The following ELF4 variants were observed in gnomAD, a reference collection of about 807,000 sequenced individuals.
ELF4 encodes the protein ETS-related transcription factor Elf-4.
Under a neutral mutation model 31.7 loss-of-function variants are expected in ELF4, and 10 were observed. The ratio of observed to expected loss-of-function variants is 0.32; its 90% CI spans 0.19 to 0.54. ELF4 has a LOEUF of 0.54. Among genes scored for constraint, ELF4 ranks in the 20% least tolerant of loss-of-function variants. The pLI, the probability that ELF4 is intolerant of heterozygous loss-of-function variation, is 0.95. For missense variants in ELF4, 418 were observed against 522.0 expected, an observed-to-expected ratio of 0.80 and a Z score of 1.94; for synonymous variants, 208 against 226.7, an observed-to-expected ratio of 0.92 and a Z score of 0.74.
chrX:130,089,495 G>C (rs1232125346), intron 1 of ELF4, among the ~76,000 whole-genome samples: 1 of 68,995 alleles, frequency 1.4e-5, no homozygotes, highest in Admixed American at 2.3e-4. Flanking sequence ...GGCAACAAGA[G>C]TGAGACCTCA....
At chrX:130,093,886 G>C (rs1378860086) in intron 1 of ELF4, among the ~76,000 whole-genome samples, 1 of 112,039 alleles carries the variant, frequency 8.9e-6, no homozygotes, top group Non-Finnish European at 1.9e-5. Flanking sequence ...CTCAGCTCGG[G>C]GCCATATTCT....
rs558720401 is a variant in ELF4, at chrX:130,068,278, A to G, written c.1188-753T>C. Among the ~76,000 whole-genome samples the G allele has an allele frequency of 5.8e-4, 65 of 112,416 alleles. 1 individual carries two copies. The South Asian group carries it at 0.024, about 41-fold the overall frequency. On this transcript the variant is annotated intron_variant, in intron 8 of 8. Coordinates refer to ENST00000308167, the MANE Select transcript of ELF4 (RefSeq NM_001421.4). ...TGAGGCACAGAGAGGTTATGTATTA[A>G]TAACTTGCTCCAAGACCAGCCATAC... is the stretch of plus-strand genomic sequence containing the variant.
At chrX:130,103,260 C>T (rs113966202) in intron 1 of ELF4, among the ~76,000 whole-genome samples, 3 of 111,994 alleles carry the variant, frequency 2.7e-5, no homozygotes, top group Non-Finnish European at 5.6e-5. Flanking sequence ...CCACAGACTA[C>T]GAGAAAGTAT....
chrX:130,088,237 T>A (rs773803205), intron 1 of ELF4, among the ~76,000 whole-genome samples: 47 of 105,465 alleles, frequency 4.5e-4, no homozygotes, highest in Non-Finnish European at 6.5e-4. Context: ...CTCAAAAAAA[T>A]AAATAAATAA....
Position 130,066,953 on chromosome X carries a change from C to A in ELF4, c.1760G>T (p.Gly587Val). 8.3e-7 allele frequency: 1 copy of A among 1,212,013 alleles called. No homozygotes were observed. The highest frequency in any genetic ancestry group is 1.1e-6 in the Non-Finnish European group (1 of 895,566). The change falls in exon 9 of 9, where the codon GGT becomes GTT. Residue 587 changes from glycine to valine, a missense_variant. Around this residue, in one of 4 missense-constraint regions of ELF4, gnomAD observed 260 missense variants for 269.2 expected, o/e 0.97. Coordinates refer to ENST00000308167, the MANE Select transcript of ELF4 (RefSeq NM_001421.4). Reference sequence around the variant, plus strand: ...GCCCAGAAGGCTCGGATTGTGGGAACCCCTGGAAACCACCTGGGTTGGAAG... The same window carrying A: ...GCCCAGAAGGCTCGGATTGTGGGAAACCCTGGAAACCACCTGGGTTGGAAG... The part of the protein sequence containing the change: ...QPLPTQVVSR[G>V]SHNPSLLGNQ...
chrX:130,074,377 G>A (rs1362260795), intron 3 of ELF4, among the ~76,000 whole-genome samples: 1 of 111,295 alleles, frequency 9.0e-6, no homozygotes, highest in African/African-American at 3.3e-5. Flanking sequence ...CCCTCAGCTG[G>A]TCTTCACTCC....
intron 2 of ELF4, among the ~76,000 whole-genome samples, chrX:130,077,296 T>A (rs1932842697): frequency 1.2e-5 from 1 of 80,896 alleles, no homozygotes; most frequent in Non-Finnish European, 2.2e-5. Context: ...TTCCAGAGAA[T>A]TTTTTTTTTT....
Position 130,086,198 on chromosome X carries a change from A to G in ELF4, c.-209-4659T>C, listed in dbSNP as rs1362812265. Reference sequence around the variant, plus strand: ...CAGCCACTCCATTTGAGATGAAACCAGGAAGAGGGAGGGAAAAAAGAAAGG... The same window carrying G: ...CAGCCACTCCATTTGAGATGAAACCGGGAAGAGGGAGGGAAAAAAGAAAGG... On this transcript the variant is annotated intron_variant, in intron 1 of 8. Transcript: ENST00000308167. Among the ~76,000 whole-genome samples, 4 of 112,299 alleles carry G rather than the reference A, an allele frequency of 3.6e-5. No individual in the cohort carries two copies. The South Asian group carries it at 1.5e-3, about 41-fold the overall frequency.
At chrX:130,093,722 C>T (rs750038047) in intron 1 of ELF4, among the ~76,000 whole-genome samples, 23 of 111,950 alleles carry the variant, frequency 2.1e-4, no homozygotes, top group Non-Finnish European at 3.6e-4. Context: ...TCGGGGGCCT[C>T]GTGGTGGATG....
chrX:130,071,540 A>G (rs1690704208), intron 5 of ELF4, 121 bp from the exon 6 acceptor site: 1 of 662,091 alleles, frequency 1.5e-6, no homozygotes, highest in African/African-American at 2.1e-5. Flanking sequence ...GAGGCCCCAG[A>G]TCGCTCTCCA....
At chrX:130,071,891 G>A (rs982041616) in intron 5 of ELF4, among the ~76,000 whole-genome samples, 3 of 112,583 alleles carry the variant, frequency 2.7e-5, no homozygotes, top group African/African-American at 9.7e-5. Flanking sequence ...CACCCGGCAT[G>A]ACTGGTCTTT....
intron 1 of ELF4, among the ~76,000 whole-genome samples, chrX:130,093,848 T>C (rs1470317363): frequency 8.9e-6 from 1 of 112,042 alleles, no homozygotes; most frequent in Non-Finnish European, 1.9e-5. Context: ...GCAAAAAAAA[T>C]GGCTGAGAAG....
At position 130,067,314 on chromosome X, in the gene ELF4, C is replaced by T; in HGVS notation, c.1399G>A (p.Ala467Thr). ...FTLQASFPLN[A>T]SFQDSQVAAP... is the part of the protein sequence containing the mutation. The stretch of plus-strand genomic sequence containing the variant: ...GCCACCTGGCTGTCTTGGAAACTGG[C>T]GTTCAGGGGGAAAGAGGCCTGCAAA... The change falls in exon 9 of 9, where the codon GCC becomes ACC. Residue 467 changes from alanine (A) to threonine (T), a missense_variant. This residue lies in a region of ELF4 where 260 missense variants were observed against 269.2 expected (regional missense o/e 0.97). Transcript: ENST00000308167. 1.7e-6 allele frequency: 2 copies of T among 1,211,976 alleles called. No individual in the cohort carries two copies. The highest frequency in any genetic ancestry group is 1.8e-5 in the South Asian group (1 of 57,023).
intron 1 of ELF4, among the ~76,000 whole-genome samples, chrX:130,102,876 GAGAGAGAGAGAAAGAAAGAAAGAA>G (rs1234776071): frequency 3.5e-5 from 2 of 56,706 alleles, no homozygotes; most frequent in East Asian, 8.0e-4. Context: ...GAGAGAGAGA[GAGAGAGAGAGAAAGAAAGAAAGAA>G]AGAAAGAAAG....
Position 130,074,730 on chromosome X carries a change from G to A in ELF4, c.98C>T (p.Pro33Leu). The change falls in exon 3 of 9, where the codon CCA becomes CTA. Residue 33 changes from proline (P) to leucine (L), a missense_variant. Around this residue, in one of 4 missense-constraint regions of ELF4, gnomAD observed 35 missense variants for 76.4 expected, o/e 0.46. Coordinates refer to ENST00000308167, the MANE Select transcript of ELF4 (RefSeq NM_001421.4). ...GGGTACCTGCTCCACGATCACAGCT[G>A]GGAACACAGAGGGGTCTTCCAGCTA... ...IHQLEDPSVF[P>L]AVIVEQVPYP... is the part of the protein sequence containing the mutation. The A allele has an allele frequency of 8.3e-7, 1 of 1,211,545 alleles. No homozygotes were observed. Among genetic ancestry groups the A allele is most frequent in the East Asian group, 3.0e-5 (1 of 33,840 alleles).
At chrX:130,106,025 C>CTTT (rs1399193059) in intron 1 of ELF4, among the ~76,000 whole-genome samples, 1 of 111,164 alleles carries the variant, frequency 9.0e-6, no homozygotes. Flanking sequence ...CTGACCTGGT[C>CTTT]TTTTATGTGA....
intron 1 of ELF4, among the ~76,000 whole-genome samples, chrX:130,105,974 C>T (rs918997466): frequency 9.1e-6 from 1 of 109,679 alleles, no homozygotes; most frequent in African/African-American, 3.3e-5. Context: ...TTATATCTCC[C>T]GGAGTGGAGA....
intron 1 of ELF4, among the ~76,000 whole-genome samples, chrX:130,083,233 T>C (rs1603204994): frequency 9.2e-6 from 1 of 108,619 alleles, no homozygotes; most frequent in African/African-American, 3.4e-5. Context: ...CCTGGGAAAC[T>C]GCAGCCCTTG....
intron 1 of ELF4, among the ~76,000 whole-genome samples, chrX:130,085,891 C>A (rs890544469): frequency 3.6e-5 from 4 of 112,108 alleles, no homozygotes; most frequent in East Asian, 2.8e-4. Flanking sequence ...GAAAAACAGC[C>A]CGTCCTCAGG....
Sources: gnomAD v4.1 joint callset for allele counts (sites outside exome capture counted in the v4.1 genomes callset) on GRCh38, gnomAD v4.1.1 for gene constraint, gnomAD v4.1.1 regional missense constraint, MANE v1.5 for transcripts, NCBI Gene and HGNC (gene_info 2026-07-23, HGNC 2026-07-21) for gene names.